The following ULK4 variants were observed in gnomAD, a reference collection of about 807,000 sequenced individuals.
ULK4 encodes the protein unc-51 like kinase 4.
A neutral mutation model predicts 160.6 loss-of-function variants in ULK4; 133 were observed. The observed-to-expected ratio is 0.83, with a 90% confidence interval of 0.72 to 0.96. ULK4 has a LOEUF of 0.96. ULK4 is among the 40% of genes least tolerant of loss of function. ULK4 has a pLI of 0.00. For missense variants in ULK4, 1,580 were observed against 1,499.5 expected, an observed-to-expected ratio of 1.05 and a Z score of -0.89; for synonymous variants, 534 against 539.8, an observed-to-expected ratio of 0.99 and a Z score of 0.15.
intron 17 of ULK4, among the ~76,000 whole-genome samples, chr3:41,860,302 C>G (rs1300611367): frequency 1.3e-5 from 2 of 152,022 alleles, no homozygotes; most frequent in African/African-American, 4.8e-5. Context: ...CTGGGAGATC[C>G]GTCCAATGCT....
intron 31 of ULK4, among the ~76,000 whole-genome samples, chr3:41,587,546 C>T (rs2030916597): frequency 6.6e-6 from 1 of 152,240 alleles, no homozygotes; most frequent in East Asian, 1.9e-4. Flanking sequence ...TGAGAAAGAA[C>T]TATTACCTTA....
intron 35 of ULK4, among the ~76,000 whole-genome samples, chr3:41,287,045 TGAC>T (rs1265182650): frequency 2.0e-5 from 3 of 152,048 alleles, no homozygotes; most frequent in Admixed American, 2.0e-4. Flanking sequence ...GACAGAGAGG[TGAC>T]GCAGAAGGCT....
intron 35 of ULK4, among the ~76,000 whole-genome samples, chr3:41,357,839 G>A (rs1335370410): frequency 6.6e-6 from 1 of 152,160 alleles, no homozygotes; most frequent in East Asian, 1.9e-4. Flanking sequence ...ATCCAAAGAT[G>A]AACAAAAATA....
At chr3:41,815,462 G>A (rs1182466338) in intron 19 of ULK4, among the ~76,000 whole-genome samples, 3 of 149,472 alleles carry the variant, frequency 2.0e-5, no homozygotes, top group African/African-American at 4.9e-5. Flanking sequence ...TGAAATATAC[G>A]ATTTCACTTT....
chr3:41,293,775 T>A (rs919729804), intron 35 of ULK4, among the ~76,000 whole-genome samples: 1 of 152,252 alleles, frequency 6.6e-6, no homozygotes, highest in African/African-American at 2.4e-5. Flanking sequence ...AGTAACTTGT[T>A]ATCTATTCTT....
At chr3:41,745,718 C>T (rs773849163) in intron 22 of ULK4, among the ~76,000 whole-genome samples, 22 of 151,452 alleles carry the variant, frequency 1.5e-4, no homozygotes, top group Admixed American at 5.3e-4. Context: ...CAAACTATAA[C>T]CCAGTATCTC....
At chr3:41,475,442 G>T (rs568807653) in intron 32 of ULK4, among the ~76,000 whole-genome samples, 1 of 152,072 alleles carries the variant, frequency 6.6e-6, no homozygotes, top group Non-Finnish European at 1.5e-5. Context: ...GGTGAATATA[G>T]TAATAATGTA....
chr3:41,317,747 G>T (rs1415616513), intron 35 of ULK4, among the ~76,000 whole-genome samples: 2 of 152,132 alleles, frequency 1.3e-5, no homozygotes, highest in Admixed American at 1.3e-4. Context: ...TTACAATTTG[G>T]CAGGAAAAAA....
At chr3:41,424,852 A>AAAAAAAAAAAAAAAAAAAAC (rs2082741446) in intron 34 of ULK4, among the ~76,000 whole-genome samples, 1 of 150,470 alleles carries the variant, frequency 6.6e-6, no homozygotes, top group Non-Finnish European at 1.5e-5. Flanking sequence ...AAAAAAAAAA[A>AAAAAAAAAAAAAAAAAAAAC]AAGGCTGAAA....
chr3:41,474,927 C>T (rs1051107610), intron 32 of ULK4, among the ~76,000 whole-genome samples: 3 of 151,424 alleles, frequency 2.0e-5, no homozygotes, highest in Non-Finnish European at 2.9e-5. Context: ...GAAAAGTATA[C>T]GGAGGCTCCT....
chr3:41,684,046 T>C (rs995767279), intron 27 of ULK4, among the ~76,000 whole-genome samples: 1 of 152,184 alleles, frequency 6.6e-6, no homozygotes, highest in Admixed American at 6.5e-5. Context: ...ATGCAGACTG[T>C]TGGATGACTT....
intron 35 of ULK4, among the ~76,000 whole-genome samples, chr3:41,301,193 G>A (rs931353579): frequency 1.3e-5 from 2 of 152,030 alleles, no homozygotes; most frequent in African/African-American, 4.8e-5. Context: ...AGAGCCCAGC[G>A]AGATGGGGAA....
At chr3:41,533,473 T>C (rs980698310) in intron 32 of ULK4, among the ~76,000 whole-genome samples, 8 of 152,206 alleles carry the variant, frequency 5.3e-5, no homozygotes, top group African/African-American at 9.6e-5. Flanking sequence ...TTTATAAATA[T>C]GTTGACGCGT....
At chr3:41,485,790 A>G (rs1559639428) in intron 32 of ULK4, among the ~76,000 whole-genome samples, 1 of 152,246 alleles carries the variant, frequency 6.6e-6, no homozygotes, top group South Asian at 2.1e-4. Flanking sequence ...CAGCTTTTAC[A>G]TATCAAATCT....
At chr3:41,691,943 CTTTTTTTTTTTT>C (rs751734628) in intron 27 of ULK4, among the ~76,000 whole-genome samples, 2 of 96,352 alleles carry the variant, frequency 2.1e-5, no homozygotes, top group South Asian at 6.4e-4. Flanking sequence ...CAAATCACTT[CTTTTTTTTTTTT>C]TTTTTTTTTT....
At chr3:41,291,598 C>A (rs1349198968) in intron 35 of ULK4, among the ~76,000 whole-genome samples, 1 of 151,816 alleles carries the variant, frequency 6.6e-6, no homozygotes, top group Non-Finnish European at 1.5e-5. Flanking sequence ...CTAATGTTTC[C>A]CAAGAGAAGA....
chr3:41,728,484 G>T, intron 22 of ULK4, among the ~76,000 whole-genome samples: 1 of 152,096 alleles, frequency 6.6e-6, no homozygotes, highest in East Asian at 1.9e-4. Flanking sequence ...CCATTCATGA[G>T]GGATCCATCC....
At chr3:41,812,669 G>A (rs1337519757) in intron 19 of ULK4, among the ~76,000 whole-genome samples, 1 of 152,048 alleles carries the variant, frequency 6.6e-6, no homozygotes, top group Non-Finnish European at 1.5e-5. Flanking sequence ...ACAAAAACAT[G>A]TGCCAATGAT....
chr3:41,881,324 A>T (rs550102872), intron 17 of ULK4, among the ~76,000 whole-genome samples: 6 of 150,294 alleles, frequency 4.0e-5, no homozygotes, highest in African/African-American at 1.2e-4. Flanking sequence ...GAAAAAGATG[A>T]AACATGGTAC....
Sources: gnomAD v4.1 joint callset for allele counts (sites outside exome capture counted in the v4.1 genomes callset) on GRCh38, gnomAD v4.1.1 for gene constraint, MANE v1.5 for transcripts, NCBI Gene and HGNC (gene_info 2026-07-23, HGNC 2026-07-21) for gene names.